The following SLC9C1 variants were observed in gnomAD, a reference collection of about 807,000 sequenced individuals.
SLC9C1 encodes solute carrier family 9 member C1, also known as sodium/hydrogen exchanger 10.
SLC9C1 carries 97 observed loss-of-function variants against 140.9 expected under a neutral mutation model. That is an observed-to-expected ratio of 0.69 (90% confidence interval 0.58 to 0.82). The LOEUF is 0.82. SLC9C1 is among the 40% of genes least tolerant of loss of function. The pLI is 0.00. For missense variants in SLC9C1, 1,340 were observed against 1,389.3 expected, an observed-to-expected ratio of 0.96 and a Z score of 0.56; for synonymous variants, 440 against 442.6, an observed-to-expected ratio of 0.99 and a Z score of 0.07.
At chr3:112,169,391 T>A in intron 23 of SLC9C1, 63 bp from the exon 24 acceptor site, 1 of 1,508,028 alleles carries the variant, frequency 6.6e-7, no homozygotes. Flanking sequence ...GGAATAAAGT[T>A]TTTTTGTTTA....
chr3:112,231,459 G>C lies in SLC9C1; in HGVS notation c.1474C>G (p.Gln492Glu). 6.2e-7 allele frequency: 1 copy of C among 1,612,172 alleles called. No individual in the cohort carries two copies. The highest frequency in any genetic ancestry group is 8.5e-7 in the Non-Finnish European group (1 of 1,179,028). Reference sequence around the variant, plus strand: ...TTACAGTGTGGACATTTCACCTTCTGATGTTCTGTTGTTTCTTCTTCGTTC... The same window carrying C: ...TTACAGTGTGGACATTTCACCTTCTCATGTTCTGTTGTTTCTTCTTCGTTC... ...MLNEEETTEH[Q>E]KVKCPHCNKE... Residue 492 changes from glutamine to glutamate, a missense_variant, in exon 13 of 29, where the codon CAG becomes GAG. Transcript: ENST00000305815.
chr3:112,210,302 A>G (rs2078166368), intron 15 of SLC9C1, among the ~76,000 whole-genome samples: 1 of 152,228 alleles, frequency 6.6e-6, no homozygotes, highest in Non-Finnish European at 1.5e-5. Context: ...AAAATGTGGT[A>G]TATATACCAT....
chr3:112,231,459 G>A lies in SLC9C1; in HGVS notation c.1474C>T (p.Gln492Ter). The A allele has an allele frequency of 1.2e-6, 2 of 1,612,172 alleles. No homozygotes were observed. Among genetic ancestry groups the A allele is most frequent in the Non-Finnish European group, 1.7e-6 (2 of 1,179,028 alleles). The change falls in exon 13 of 29, where the codon CAG (glutamine) becomes TAG (stop). Residue 492 changes from glutamine (Q) to a stop codon, truncating the protein, a stop_gained. Coordinates refer to ENST00000305815, the MANE Select transcript of SLC9C1 (RefSeq NM_183061.3). LOFTEE classifies it high-confidence loss of function. ...MLNEEETTEH[Q>*]KVKCPHCNKE... ...TTACAGTGTGGACATTTCACCTTCT[G>A]ATGTTCTGTTGTTTCTTCTTCGTTC...
chr3:112,265,318 A>G (rs1181720415), intron 8 of SLC9C1, among the ~76,000 whole-genome samples: 1 of 152,070 alleles, frequency 6.6e-6, no homozygotes, highest in African/African-American at 2.4e-5. Context: ...CTTCAGAATC[A>G]TTCCCCATAT....
At chr3:112,291,183 G>T (rs915755084) in intron 1 of SLC9C1, among the ~76,000 whole-genome samples, 3 of 152,114 alleles carry the variant, frequency 2.0e-5, no homozygotes, top group African/African-American at 7.2e-5. Flanking sequence ...GCTGGTAATG[G>T]CAACATCATT....
At chr3:112,253,313 C>T (rs2079515972) in intron 10 of SLC9C1, among the ~76,000 whole-genome samples, 1 of 152,114 alleles carries the variant, frequency 6.6e-6, no homozygotes, top group Non-Finnish European at 1.5e-5. Context: ...GGTAGGCAGC[C>T]TTGGAGTGCC....
chr3:112,242,682 T>C (rs556416484), intron 11 of SLC9C1, among the ~76,000 whole-genome samples: 20 of 152,260 alleles, frequency 1.3e-4, no homozygotes, highest in African/African-American at 4.8e-4. Flanking sequence ...AAGAGCACAA[T>C]TGGATTGTTT....
chr3:112,176,219 C>T (rs1271874200), intron 23 of SLC9C1, among the ~76,000 whole-genome samples: 1 of 152,190 alleles, frequency 6.6e-6, no homozygotes, highest in Admixed American at 6.5e-5. Context: ...ACTCCTCATT[C>T]ACTCACTGCT....
intron 27 of SLC9C1, among the ~76,000 whole-genome samples, chr3:112,153,924 A>G (rs1224570842): frequency 6.6e-6 from 1 of 152,202 alleles, no homozygotes; most frequent in East Asian, 1.9e-4. Flanking sequence ...TTTGGGAGAC[A>G]GTGAACATCC....
At position 112,244,016 on chromosome 3, in the gene SLC9C1, G is replaced by A; in HGVS notation, c.1258C>T (p.Pro420Ser). 6.2e-7 allele frequency: 1 copy of A among 1,603,720 alleles called. No homozygotes were observed. The highest frequency in any genetic ancestry group is 8.5e-7 in the Non-Finnish European group (1 of 1,173,996). ...ITLVVNRFIL[P>S]VAVTILGLRD... Reference sequence around the variant, plus strand: ...TTACCTAGTATAGTAACTGCCACTGGCAAAATAAATCTATTGACAACAAGG... The same window carrying A: ...TTACCTAGTATAGTAACTGCCACTGACAAAATAAATCTATTGACAACAAGG... Residue 420 changes from proline to serine, a missense_variant, in exon 11 of 29, where the codon CCA becomes TCA. Transcript: ENST00000305815.
intron 26 of SLC9C1, among the ~76,000 whole-genome samples, chr3:112,159,290 C>T (rs2075218396): frequency 1.3e-5 from 2 of 151,782 alleles, no homozygotes; most frequent in South Asian, 4.2e-4. Flanking sequence ...TTTTAAATTT[C>T]ACGTATTTAA....
chr3:112,157,763 ATT>A (rs56091442), intron 26 of SLC9C1, among the ~76,000 whole-genome samples: 3,289 of 148,978 alleles, frequency 0.022, 38 homozygotes, highest in Middle Eastern at 0.062. Flanking sequence ...ATTCCTAGGT[ATT>A]TTTTTTTTTG....
At chr3:112,218,913 C>T (rs552800571) in intron 14 of SLC9C1, among the ~76,000 whole-genome samples, 1 of 152,308 alleles carries the variant, frequency 6.6e-6, no homozygotes, top group East Asian at 1.9e-4. Flanking sequence ...ATCTATTTAA[C>T]CGGATAGTGA....
rs746990515 is a variant in SLC9C1 at position 112,169,053 on chromosome 3, A to T, written c.3061T>A (p.Tyr1021Asn). 16 of 1,590,974 alleles carry T rather than the reference A, an allele frequency of 1.0e-5. No individual in the cohort carries two copies. The highest frequency in any genetic ancestry group is 1.8e-5 in the Admixed American group (1 of 55,462). ...TTAGAGAGCTTTAGTTGCATATTGTAGTTCCAATCCTGTTTTAGAAAACAC... is the reference window on the plus strand; with the variant it reads ...TTAGAGAGCTTTAGTTGCATATTGTTGTTCCAATCCTGTTTTAGAAAACAC... ...REHLSYEDWN[Y>N]NMQLKLSNIY... is the part of the protein sequence containing the mutation. Residue 1021 changes from tyrosine (Y) to asparagine (N), a missense_variant, in exon 25 of 29, where the codon TAC (tyrosine) becomes AAC (asparagine). Tyr to Asn is a moderately radical substitution (Grantham distance 143). Coordinates refer to ENST00000305815, the MANE Select transcript of SLC9C1 (RefSeq NM_183061.3).
intron 28 of SLC9C1, among the ~76,000 whole-genome samples, chr3:112,149,335 G>A (rs997798281): frequency 6.6e-6 from 1 of 151,548 alleles, no homozygotes; most frequent in African/African-American, 2.4e-5. Flanking sequence ...TGATCTGCCT[G>A]GGCATGAAGC....
chr3:112,165,346 C>T (rs1025217234), intron 26 of SLC9C1, among the ~76,000 whole-genome samples: 5 of 152,204 alleles, frequency 3.3e-5, no homozygotes, highest in Non-Finnish European at 4.4e-5. Context: ...AGGAGAGGCA[C>T]TCTGATTTAG....
chr3:112,189,144 G>A (rs1270818723), intron 20 of SLC9C1, among the ~76,000 whole-genome samples: 1 of 151,986 alleles, frequency 6.6e-6, no homozygotes, highest in Admixed American at 6.6e-5. Context: ...TTGTCAGATG[G>A]GTAGATTGCA....
At chr3:112,253,378 C>T (rs1456039211) in intron 10 of SLC9C1, among the ~76,000 whole-genome samples, 2 of 152,108 alleles carry the variant, frequency 1.3e-5, no homozygotes, top group African/African-American at 4.8e-5. Context: ...ATGTTCAGGG[C>T]ATTGACAGAG....
chr3:112,169,132 A>T, intron 24 of SLC9C1, 65 bp downstream of exon 24: 1 of 1,581,922 alleles, frequency 6.3e-7, no homozygotes, highest in Non-Finnish European at 8.6e-7. Flanking sequence ...TAAATAGTCA[A>T]TTATAATGTT....
Sources: gnomAD v4.1 joint callset for allele counts (sites outside exome capture counted in the v4.1 genomes callset) on GRCh38, gnomAD v4.1.1 for gene constraint, MANE v1.5 for transcripts, NCBI Gene and HGNC (gene_info 2026-07-23, HGNC 2026-07-21) for gene names.